SHKBP1: variants seen among roughly 807,000 people sequenced by gnomAD.
SHKBP1 encodes the protein SH3KBP1-binding protein 1.
SHKBP1 carries 71 observed loss-of-function variants against 83.9 expected under a neutral mutation model. The observed-to-expected ratio is 0.85, with a 90% CI of 0.70 to 1.03. The LOEUF (loss-of-function observed/expected upper bound fraction) is 1.03. Among genes scored for constraint, SHKBP1 ranks in the 50% least tolerant of loss-of-function variants. The probability of loss-of-function intolerance (pLI) is 0.00; values close to 1 mark genes in which losing one functional copy is unlikely to be tolerated. For synonymous variants in SHKBP1, 371 were observed against 398.0 expected (o/e 0.93, Z 0.81); for missense variants, 824 against 982.4 (o/e 0.84, Z 2.16).
At position 40,577,365 on chromosome 19, in the gene SHKBP1, G is replaced by T. The variant is rs1449577181; in HGVS notation, c.141-31G>T. The T allele has an allele frequency of 3.1e-6, 5 of 1,614,048 alleles. No individual in the cohort carries two copies. The East Asian group carries it at 8.9e-5, about 29-fold the overall frequency. On this transcript the variant is annotated intron_variant, in intron 2 of 17. Transcript: ENST00000291842. ...GACCTAATATCCACTCCCCCGGCCCGTGACGCCTGCTCGGTGTCCCTTCCC... is the reference window on the plus strand; with the variant it reads ...GACCTAATATCCACTCCCCCGGCCCTTGACGCCTGCTCGGTGTCCCTTCCC...
intron 3 of SHKBP1, 42 bp downstream of exon 3, chr19:40,577,483 T>A (rs773282079): frequency 1.9e-6 from 3 of 1,613,676 alleles, no homozygotes; most frequent in South Asian, 1.1e-5. Flanking sequence ...GGGGAGGGGT[T>A]GGTAGGAAGA....
In SHKBP1 at chr19:40,590,172, C is replaced by T; in HGVS notation, c.1590-72C>T. The T allele has an allele frequency of 1.4e-6, 2 of 1,444,718 alleles. No individual in the cohort carries two copies. The highest frequency in any genetic ancestry group is 1.8e-6 in the Non-Finnish European group (2 of 1,089,478). The allele number at this position is 1,444,718 out of a possible 1,614,324, so 89.5% of individuals were successfully genotyped here. On this transcript the variant is annotated intron_variant, in intron 15 of 17. Transcript: ENST00000291842. This position sits in a 1 kb window ranked among gnomAD's most constrained non-coding sequence, Gnocchi z 4.6. ...CCCCTGGAGAGGCAGGAACTGCAGC[C>T]ACAGTGGTGGGGACTGGGACGAGGA... is the stretch of plus-strand genomic sequence containing the variant.
chr19:40,577,538 C>T lies in SHKBP1; in HGVS notation c.187-19C>T, dbSNP rs2290682. The T allele has an allele frequency of 0.28, 457,876 of 1,613,782 alleles. 66,640 individuals carry two copies. Among genetic ancestry groups the T allele is most frequent in the Middle Eastern group, 0.3 (1,793 of 6,062 alleles). ...TCCTGCCTTTTACCCCATCCATCCTCTGCCCCCCTTTCCCGCAGATCTTCA... is the reference window on the plus strand; with the variant it reads ...TCCTGCCTTTTACCCCATCCATCCTTTGCCCCCCTTTCCCGCAGATCTTCA... On this transcript the variant is annotated intron_variant, in intron 3 of 17. Coordinates refer to ENST00000291842, the MANE Select transcript of SHKBP1 (RefSeq NM_138392.4).
chr19:40,577,207 C>G (rs2081222564), intron 1 of SHKBP1, 24 bp from the exon 2 acceptor site: 1 of 1,612,494 alleles, frequency 6.2e-7, no homozygotes, highest in Non-Finnish European at 8.5e-7. Flanking sequence ...TCATCTCTTG[C>G]GTCCGTTTAC....
intron 7 of SHKBP1, 36 bp downstream of exon 7, chr19:40,580,521 T>TG (rs1315236736): frequency 6.2e-7 from 1 of 1,613,854 alleles, no homozygotes; most frequent in East Asian, 2.2e-5. Context: ...GGGGCAGCTG[T>TG]GGGGTCCCTG....
At chr19:40,577,764 C>T (rs1009116087) in intron 4 of SHKBP1, 134 bp downstream of exon 4, 1 of 1,142,880 alleles carries the variant, frequency 8.7e-7, no homozygotes, top group South Asian at 1.3e-5. Context: ...AGGCCGGGCG[C>T]GCCGGGATTG....
chr19:40,577,819 A>C, intron 4 of SHKBP1, 189 bp downstream of exon 4: 1 of 714,110 alleles, frequency 1.4e-6, no homozygotes, highest in Admixed American at 2.3e-5. Context: ...AGGTGGGAGG[A>C]TCACTTGAGC....
At chr19:40,578,022 C>T (rs1281827031) in intron 4 of SHKBP1, 132 bp from the exon 5 acceptor site, 3 of 761,198 alleles carry the variant, frequency 3.9e-6, no homozygotes, top group Non-Finnish European at 7.1e-6. Flanking sequence ...TATCATCACT[C>T]CTTAGCATCT....
At position 40,586,786 on chromosome 19, in the gene SHKBP1, A is replaced by C; in HGVS notation, c.1178A>C (p.Asn393Thr). 6.3e-7 allele frequency: 1 copy of C among 1,590,490 alleles called. No individual in the cohort carries two copies. Among genetic ancestry groups the C allele is most frequent in the Non-Finnish European group, 8.6e-7 (1 of 1,164,302 alleles). The change falls in exon 13 of 18, where the codon AAC becomes ACC. Residue 393 changes from asparagine to threonine, a missense_variant. By Grantham distance (65) the Asn-to-Thr change is moderately conservative. Coordinates refer to ENST00000291842, the MANE Select transcript of SHKBP1 (RefSeq NM_138392.4). ...YLTPKTSDSG[N>T]WIEIAYGTSS... The stretch of plus-strand genomic sequence containing the variant: ...GGCCCCTCACCAGGTGACAGTGGGA[A>C]CTGGATCGAGATCGCCTATGGCACC...
At chr19:40,578,605 G>A (rs1326429378) in intron 6 of SHKBP1, 63 bp downstream of exon 6, 5 of 1,479,178 alleles carry the variant, frequency 3.4e-6, no homozygotes, top group Non-Finnish European at 4.7e-6. Context: ...TTCCCATAAG[G>A]CTGCAGCTCT....
intron 14 of SHKBP1, 128 bp from the exon 15 acceptor site, chr19:40,588,954 C>T: frequency 7.9e-7 from 1 of 1,271,046 alleles, no homozygotes; most frequent in Non-Finnish European, 1.1e-6. Context: ...CCCTCTCTGG[C>T]CCTGCCCAAC....
chr19:40,578,712 T>C (rs1362542277), intron 6 of SHKBP1, among the ~76,000 whole-genome samples, 170 bp downstream of exon 6: 2 of 152,104 alleles, frequency 1.3e-5, no homozygotes, highest in Non-Finnish European at 2.9e-5. Context: ...GACACAGCAT[T>C]TCCCATGAGA....
At position 40,578,229 on chromosome 19, in the gene SHKBP1, A is replaced by G. The variant is rs1193010905; in HGVS notation, c.319+17A>G. The stretch of plus-strand genomic sequence containing the variant: ...CTCCTCTGGGTAAGTGGGAGCCCCC[A>G]GCTATCATCCTCATTGTATAGAAAA... On this transcript the variant is annotated intron_variant, in intron 5 of 17. Transcript: ENST00000291842. The G allele has an allele frequency of 1.9e-6, 3 of 1,612,720 alleles. No homozygotes were observed. Among genetic ancestry groups the G allele is most frequent in the African/African-American group, 2.7e-5 (2 of 74,876 alleles).
rs763427161 is a variant in SHKBP1 at position 40,580,542 on chromosome 19, C to T, written c.563-24C>T. 2.5e-6 allele frequency: 4 copies of T among 1,614,174 alleles called. No homozygotes were observed. The Admixed American group carries it at 6.7e-5, about 27-fold the overall frequency. ...GCTGTGGGGTCCCTGTGACCCTCTT[C>T]TGATCCCTACTCTTCCCCTCAAGGA... On this transcript the variant is annotated intron_variant, in intron 7 of 17. Transcript: ENST00000291842.
chr19:40,583,238 G>A (rs2081284308), intron 10 of SHKBP1, among the ~76,000 whole-genome samples, 160 bp from the exon 11 acceptor site: 1 of 152,192 alleles, frequency 6.6e-6, no homozygotes, highest in African/African-American at 2.4e-5. Flanking sequence ...GGAAGGGAGG[G>A]AACAAGACAG....
chr19:40,577,686 C>T, intron 4 of SHKBP1, 56 bp downstream of exon 4: 2 of 1,554,328 alleles, frequency 1.3e-6, no homozygotes, highest in Non-Finnish European at 1.8e-6. Context: ...CTGAGGAGTT[C>T]TTTCACCTCC....
chr19:40,576,924 G>A lies in SHKBP1; in HGVS notation c.25G>A (p.Glu9Lys). Residue 9 changes from glutamate to lysine, a missense_variant, in exon 1 of 18, where the codon GAG (glutamate) becomes AAG (lysine). Glu to Lys is a moderately conservative substitution (Grantham distance 56). Coordinates refer to ENST00000291842, the MANE Select transcript of SHKBP1 (RefSeq NM_138392.4). Reference sequence around the variant, plus strand: ...CATGGCAGCAGCGGCTACTGCAGCCGAGGGGGTCCCCAGTCGGGGGCCTCC... The same window carrying A: ...CATGGCAGCAGCGGCTACTGCAGCCAAGGGGGTCCCCAGTCGGGGGCCTCC... MAAAATAA[E>K]GVPSRGPPGE... 1.3e-6 allele frequency: 2 copies of A among 1,486,244 alleles called. No individual in the cohort carries two copies. The highest frequency in any genetic ancestry group is 1.8e-4 in the Middle Eastern group (1 of 5,466). 92.1% of individuals were successfully genotyped at this position (1,486,244 alleles called of 1,614,324 possible).
At chr19:40,582,606 G>A (rs2081279015) in intron 10 of SHKBP1, 140 bp downstream of exon 10, 2 of 681,086 alleles carry the variant, frequency 2.9e-6, no homozygotes, top group African/African-American at 1.8e-5. Flanking sequence ...CAGAGCCTGG[G>A]GATGTCTGTG....
intron 6 of SHKBP1, 30 bp from the exon 7 acceptor site, chr19:40,580,294 C>T: frequency 6.3e-7 from 1 of 1,594,502 alleles, no homozygotes; most frequent in Non-Finnish European, 8.6e-7. Context: ...ATTACAATGA[C>T]TGTTACTCTA....
Sources: allele counts gnomAD v4.1 joint callset (sites outside exome capture counted in the v4.1 genomes callset), GRCh38; gene constraint gnomAD v4.1.1; non-coding constraint Gnocchi (gnomAD v3.1); transcripts MANE v1.5; gene names NCBI Gene and HGNC (gene_info 2026-07-23, HGNC 2026-07-21).